JADE3: variants seen among roughly 807,000 people sequenced by gnomAD.
The protein encoded by JADE3 is protein Jade-3.
In JADE3, 2 loss-of-function variants were observed where a neutral mutation model predicts 50.1. The observed-to-expected ratio is 0.04, with a 90% CI of 0.02 to 0.13. The LOEUF (loss-of-function observed/expected upper bound fraction) is 0.13, where lower values mean the gene tolerates loss of function less well. Among genes scored for constraint, JADE3 ranks in the 10% least tolerant of loss-of-function variants. The probability of loss-of-function intolerance (pLI) is 1.00; values close to 1 mark genes in which losing one functional copy is unlikely to be tolerated. For missense variants in JADE3, 475 were observed against 634.4 expected (o/e 0.75, Z 2.70); for synonymous variants, 218 against 232.9 (o/e 0.94, Z 0.58).
intron 8 of JADE3, among the ~76,000 whole-genome samples, chrX:47,047,633 C>G (rs1929406691): frequency 9.0e-6 from 1 of 111,134 alleles, no homozygotes; most frequent in Admixed American, 9.6e-5. Flanking sequence ...GGCAAACAAT[C>G]AAGGATGTGG....
chrX:46,927,311 G>A (rs143950181), intron 1 of JADE3, among the ~76,000 whole-genome samples: 1 of 112,204 alleles, frequency 8.9e-6, no homozygotes, highest in Non-Finnish European at 1.9e-5. Context: ...AACCCTTTTT[G>A]TGAGAAACAT....
intron 3 of JADE3, among the ~76,000 whole-genome samples, chrX:46,996,132 G>A (rs1186455928): frequency 2.7e-5 from 3 of 112,005 alleles, no homozygotes; most frequent in African/African-American, 6.5e-5. Context: ...CGCCTCCTGG[G>A]TTCAAGCAAT....
intron 4 of JADE3, among the ~76,000 whole-genome samples, chrX:47,007,648 C>T (rs1556360611): frequency 9.0e-6 from 1 of 111,468 alleles, no homozygotes; most frequent in Non-Finnish European, 1.9e-5. Flanking sequence ...TTACTTTCAA[C>T]CTACTTATAT....
chrX:46,977,174 G>T (rs1268171160), intron 1 of JADE3, among the ~76,000 whole-genome samples: 2 of 111,479 alleles, frequency 1.8e-5, no homozygotes, highest in African/African-American at 6.5e-5. Context: ...AGCCTGGCCA[G>T]CATGGTGAAA....
intron 1 of JADE3, among the ~76,000 whole-genome samples, chrX:46,929,949 C>T (rs1293843092): frequency 8.9e-6 from 1 of 112,173 alleles, no homozygotes; most frequent in Non-Finnish European, 1.9e-5. Context: ...ATGTGCTCAA[C>T]ACTCATTTAC....
chrX:46,961,047 G>T (rs1556347564), intron 1 of JADE3, among the ~76,000 whole-genome samples: 1 of 112,055 alleles, frequency 8.9e-6, no homozygotes, highest in Non-Finnish European at 1.9e-5. Context: ...ATTTTGGAAA[G>T]AATAAATGCC....
chrX:46,939,198 G>T (rs1274278823), intron 1 of JADE3, among the ~76,000 whole-genome samples: 1 of 111,822 alleles, frequency 8.9e-6, no homozygotes, highest in African/African-American at 3.2e-5. Flanking sequence ...TAATGTAATA[G>T]CTGCTGCTTT....
In JADE3 at chrX:46,968,750, A is replaced by G. The variant is rs782535459; in HGVS notation, c.-11-16134A>G. On this transcript the variant is annotated intron_variant, in intron 1 of 10. Transcript: ENST00000614628. ...GAAGGCATAGCAATTTTAAATGTGT[A>G]TGCACCACATAACAGAGCTTCAAAG... 7.2e-5 allele frequency among the ~76,000 whole-genome samples: 8 copies of G among 111,102 alleles called. No individual in the cohort carries two copies. The East Asian group carries it at 2.0e-3, about 27-fold the overall frequency.
chrX:46,972,567 T>C (rs1927522746), intron 1 of JADE3, among the ~76,000 whole-genome samples: 1 of 111,509 alleles, frequency 9.0e-6, no homozygotes, highest in African/African-American at 3.3e-5. Context: ...AAGTGTGATG[T>C]TTAGTTTCCA....
intron 9 of JADE3, 38 bp from the exon 10 acceptor site, chrX:47,056,044 T>C (rs1556373340): frequency 1.1e-5 from 10 of 909,041 alleles, no homozygotes; most frequent in Non-Finnish European, 1.6e-5. Context: ...TTGCTTAACA[T>C]GACAAACATC....
chrX:47,041,558 T>A (rs1556369674), intron 8 of JADE3, among the ~76,000 whole-genome samples: 1 of 111,184 alleles, frequency 9.0e-6, no homozygotes, highest in African/African-American at 3.3e-5. Context: ...AAAAAATTTT[T>A]TTTTTGTAGA....
chrX:47,002,832 T>C (rs56820269), intron 4 of JADE3, among the ~76,000 whole-genome samples: 6,593 of 111,423 alleles, frequency 0.059, 475 homozygotes, highest in African/African-American at 0.2. Flanking sequence ...TCTTGTAGTA[T>C]GTCAAATAGC....
At chrX:47,010,507 C>T (rs982630185) in intron 4 of JADE3, among the ~76,000 whole-genome samples, 7 of 112,184 alleles carry the variant, frequency 6.2e-5, no homozygotes, top group Non-Finnish European at 9.4e-5. Context: ...TGAGCCACCG[C>T]GCCCGGCCAT....
At chrX:46,933,309 C>G (rs1288103463) in intron 1 of JADE3, among the ~76,000 whole-genome samples, 3 of 111,569 alleles carry the variant, frequency 2.7e-5, no homozygotes, top group Non-Finnish European at 5.6e-5. Context: ...GGCAGTCGGC[C>G]TTGTCATTAC....
intron 4 of JADE3, among the ~76,000 whole-genome samples, chrX:47,020,373 G>A (rs1928770798): frequency 9.1e-6 from 1 of 109,917 alleles, no homozygotes; most frequent in Non-Finnish European, 1.9e-5. Flanking sequence ...ACATAGCCAA[G>A]AAAGAAAATC....
At chrX:46,982,805 T>G (rs1700364769) in intron 1 of JADE3, among the ~76,000 whole-genome samples, 1 of 110,918 alleles carries the variant, frequency 9.0e-6, no homozygotes, top group Admixed American at 9.6e-5. Context: ...TATGGTCTAC[T>G]AATTGTTGAC....
chrX:47,014,609 A>G (rs182342881), intron 4 of JADE3, among the ~76,000 whole-genome samples: 1 of 111,820 alleles, frequency 8.9e-6, no homozygotes, highest in Non-Finnish European at 1.9e-5. Context: ...TATCCTTCTT[A>G]GTGCCTGTAA....
At chrX:46,983,868 T>C (rs1201067751) in intron 1 of JADE3, among the ~76,000 whole-genome samples, 2 of 111,478 alleles carry the variant, frequency 1.8e-5, no homozygotes, top group Non-Finnish European at 3.8e-5. Flanking sequence ...CACACTGTTA[T>C]GCCAGAAGTG....
chrX:47,047,152 C>T (rs1556370878), intron 8 of JADE3, among the ~76,000 whole-genome samples: 1 of 111,896 alleles, frequency 8.9e-6, no homozygotes, highest in African/African-American at 3.2e-5. Flanking sequence ...GGCACGGAAA[C>T]TCTTCTTATA....
Sources: gnomAD v4.1 joint callset for allele counts (sites outside exome capture counted in the v4.1 genomes callset) on GRCh38, gnomAD v4.1.1 for gene constraint, MANE v1.5 for transcripts, NCBI Gene and HGNC (gene_info 2026-07-23, HGNC 2026-07-21) for gene names.